MEGF6: variants seen among roughly 807,000 people sequenced by gnomAD.
The protein encoded by MEGF6 is multiple EGF like domains 6.
MEGF6 carries 184 observed loss-of-function variants against 207.1 expected under a neutral mutation model. That is an observed-to-expected ratio of 0.89 (90% confidence interval 0.79 to 1.00). The LOEUF (loss-of-function observed/expected upper bound fraction) is 1.00, where lower values mean the gene tolerates loss of function less well. Ranked by LOEUF, MEGF6 falls within the 50% of genes least tolerant of loss-of-function variation. MEGF6 has a pLI of 0.00. For missense variants in MEGF6, 2,282 were observed against 2,202.9 expected (o/e 1.04, Z -0.72); for synonymous variants, 1,038 against 910.0 (o/e 1.14, Z -2.53).
intron 4 of MEGF6, among the ~76,000 whole-genome samples, chr1:3,566,718 C>G (rs1348349378): frequency 6.6e-6 from 1 of 152,172 alleles, no homozygotes; most frequent in African/African-American, 2.4e-5. Flanking sequence ...GCCACAGAGT[C>G]CAGGTCAGCT....
chr1:3,492,079 C>T (rs1197063412), intron 35 of MEGF6, among the ~76,000 whole-genome samples: 5 of 152,116 alleles, frequency 3.3e-5, no homozygotes, highest in East Asian at 1.9e-4. Context: ...GGACTGCGTG[C>T]GTGGACTGGC....
At chr1:3,562,858 G>A (rs538928574) in intron 4 of MEGF6, among the ~76,000 whole-genome samples, 25 of 152,258 alleles carry the variant, frequency 1.6e-4, no homozygotes, top group African/African-American at 5.3e-4. Context: ...GGCCAGCTCC[G>A]GACAGGGCCT....
At chr1:3,505,889 C>T (rs952176890) in intron 15 of MEGF6, among the ~76,000 whole-genome samples, 1 of 152,204 alleles carries the variant, frequency 6.6e-6, no homozygotes, top group African/African-American at 2.4e-5. Context: ...AGGTTGGGGA[C>T]CATCCACCCA....
At chr1:3,605,206 T>C (rs1385663779) in intron 1 of MEGF6, among the ~76,000 whole-genome samples, 1 of 149,200 alleles carries the variant, frequency 6.7e-6, no homozygotes, top group Non-Finnish European at 1.5e-5. Flanking sequence ...ACACACACAG[T>C]CACACACACT....
At chr1:3,551,499 C>T (rs572787430) in intron 4 of MEGF6, among the ~76,000 whole-genome samples, 2 of 152,304 alleles carry the variant, frequency 1.3e-5, no homozygotes, top group African/African-American at 4.8e-5. Flanking sequence ...GGCCATGTGG[C>T]CAATACAACC....
chr1:3,553,621 C>T (rs753986924), intron 4 of MEGF6, among the ~76,000 whole-genome samples: 14 of 152,194 alleles, frequency 9.2e-5, no homozygotes, highest in Non-Finnish European at 1.8e-4. Flanking sequence ...CGGGAGGCCA[C>T]GAATCTTCCC....
At chr1:3,536,409 T>G (rs1434917033) in intron 4 of MEGF6, among the ~76,000 whole-genome samples, 2 of 152,094 alleles carry the variant, frequency 1.3e-5, no homozygotes, top group South Asian at 2.1e-4. Context: ...AGCTGGAGTA[T>G]AAATGAGCCC....
chr1:3,505,676 C>G, intron 15 of MEGF6, 120 bp from the exon 16 acceptor site: 1 of 1,299,120 alleles, frequency 7.7e-7, no homozygotes, highest in African/African-American at 1.5e-5. Context: ...CTGTCCTCCT[C>G]CACCTCTCCC....
chr1:3,581,359 CCT>C, intron 3 of MEGF6, among the ~76,000 whole-genome samples: 1 of 152,156 alleles, frequency 6.6e-6, no homozygotes, highest in Non-Finnish European at 1.5e-5. Flanking sequence ...ACATTCAGGC[CCT>C]ACCAGCCTCT....
intron 8 of MEGF6, 76 bp downstream of exon 8, chr1:3,511,930 A>G: frequency 6.3e-7 from 1 of 1,599,014 alleles, no homozygotes; most frequent in East Asian, 2.2e-5. Context: ...CCCTTCAGCC[A>G]AAGCAGGCCT....
chr1:3,583,137 G>A (rs1316669142), intron 3 of MEGF6, among the ~76,000 whole-genome samples: 2 of 152,202 alleles, frequency 1.3e-5, no homozygotes, highest in African/African-American at 4.8e-5. Context: ...TTGCTCCCAA[G>A]GGGTGGAAAA....
chr1:3,603,357 C>T (rs1414946594), intron 1 of MEGF6, among the ~76,000 whole-genome samples: 2 of 152,060 alleles, frequency 1.3e-5, no homozygotes, highest in South Asian at 2.1e-4. Flanking sequence ...CGGGCCAGCA[C>T]CCCCAGAGCA....
intron 4 of MEGF6, chr1:3,547,148 T>C (rs1440988146): frequency 6.5e-6 from 1 of 152,712 alleles, no homozygotes; most frequent in African/African-American, 2.4e-5. Context: ...GCAGGTGAGG[T>C]GCCAGCCACG....
At chr1:3,544,030 C>T (rs575789311) in intron 4 of MEGF6, among the ~76,000 whole-genome samples, 2 of 152,184 alleles carry the variant, frequency 1.3e-5, no homozygotes, top group Admixed American at 1.3e-4. Flanking sequence ...CGCTCTATCG[C>T]GGGAGAGCCT....
chr1:3,535,923 C>T (rs1261991359), intron 4 of MEGF6, among the ~76,000 whole-genome samples: 10 of 152,226 alleles, frequency 6.6e-5, no homozygotes, highest in African/African-American at 2.4e-4. Context: ...CTCTCCTGCT[C>T]ATCACCCTCC....
In MEGF6 at chr1:3,576,183, C is replaced by T. The variant is rs575320677; in HGVS notation, c.481+3642G>A. On this transcript the variant is annotated intron_variant, in intron 4 of 36. Coordinates refer to ENST00000356575, the MANE Select transcript of MEGF6 (RefSeq NM_001409.4). ...TGCAGGGCCTGCCCAGCGCCGGGCC[C>T]TCCACCCTCCGGGCAGACAGGCCCG... 6.6e-5 allele frequency among the ~76,000 whole-genome samples: 10 copies of T among 152,382 alleles called. No individual in the cohort carries two copies. In the East Asian group the frequency reaches 9.6e-4, roughly 15 times the overall value.
rs1276131671 is a variant in MEGF6 at position 3,582,183 on chromosome 1, C to G, written c.377-2254G>C. Among the ~76,000 whole-genome samples, 4 of 152,318 alleles carry G rather than the reference C, an allele frequency of 2.6e-5. No individual in the cohort carries two copies. The East Asian group carries it at 7.7e-4, about 29-fold the overall frequency. On this transcript the variant is annotated intron_variant, in intron 3 of 36. Coordinates refer to ENST00000356575, the MANE Select transcript of MEGF6 (RefSeq NM_001409.4). ...TCCAGGACAGACATTAATTGTTGCT[C>G]TTCATCCTGGGCTAGAAGGAGGACA...
chr1:3,596,463 C>T (rs1432171310), intron 2 of MEGF6, among the ~76,000 whole-genome samples: 8 of 150,104 alleles, frequency 5.3e-5, no homozygotes, highest in Admixed American at 2.0e-4. Flanking sequence ...GCCAAGCCCC[C>T]ATCTCCACCC....
chr1:3,598,614 G>T (rs947877400), intron 2 of MEGF6, among the ~76,000 whole-genome samples: 4 of 151,782 alleles, frequency 2.6e-5, no homozygotes, highest in Admixed American at 2.0e-4. Flanking sequence ...CTGCAGCCCC[G>T]TGAAGACCAG....
Sources: allele counts gnomAD v4.1 joint callset (sites outside exome capture counted in the v4.1 genomes callset), GRCh38; gene constraint gnomAD v4.1.1; transcripts MANE v1.5; gene names NCBI Gene and HGNC (gene_info 2026-07-23, HGNC 2026-07-21).